DLG2: variants seen among roughly 807,000 people sequenced by gnomAD.
The protein encoded by DLG2 is disks large homolog 2.
In DLG2, 45 loss-of-function variants were observed where a neutral mutation model predicts 132.5. That is an observed-to-expected ratio of 0.34 (90% CI 0.27 to 0.44). The LOEUF (loss-of-function observed/expected upper bound fraction) is 0.44. Ranked by LOEUF, DLG2 falls within the 20% of genes least tolerant of loss-of-function variation. The pLI is 1.00. For synonymous variants in DLG2, 424 were observed against 419.6 expected (o/e 1.01, Z -0.13); for missense variants, 1,045 against 1,196.9 (o/e 0.87, Z 1.87).
At chr11:85,319,863 A>C (rs963305389) in intron 3 of DLG2, among the ~76,000 whole-genome samples, 4 of 151,888 alleles carry the variant, frequency 2.6e-5, no homozygotes, top group Non-Finnish European at 5.9e-5. Context: ...CTACACCATA[A>C]ATTTTATTTC....
intron 8 of DLG2, among the ~76,000 whole-genome samples, chr11:84,180,345 G>A (rs35045635): frequency 0.064 from 9,701 of 152,014 alleles, 376 homozygotes; most frequent in African/African-American, 0.097. Context: ...ACAAGACACA[G>A]AACAAAATAA....
chr11:83,661,851 A>T (rs1242109024), intron 18 of DLG2, among the ~76,000 whole-genome samples: 1 of 152,224 alleles, frequency 6.6e-6, no homozygotes, highest in South Asian at 2.1e-4. Context: ...TATGAAGGTG[A>T]CTGACAAAGC....
At chr11:84,647,847 GA>G (rs1333104294) in intron 6 of DLG2, among the ~76,000 whole-genome samples, 1 of 152,130 alleles carries the variant, frequency 6.6e-6, no homozygotes, top group African/African-American at 2.4e-5. Flanking sequence ...TCCATATGCA[GA>G]AAATACTACA....
At chr11:83,669,931 T>C (rs1450576999) in intron 18 of DLG2, among the ~76,000 whole-genome samples, 1 of 152,216 alleles carries the variant, frequency 6.6e-6, no homozygotes, top group African/African-American at 2.4e-5. Flanking sequence ...AAAGATAGTT[T>C]AAAACCAAAT....
intron 6 of DLG2, chr11:85,020,875 C>T: frequency 1.3e-6 from 1 of 764,486 alleles, no homozygotes; most frequent in Admixed American, 1.7e-5. Context: ...AGTAGGTCCC[C>T]CTCCTCAGCA....
chr11:85,212,824 T>C (rs1220831866), intron 4 of DLG2, among the ~76,000 whole-genome samples: 2 of 152,136 alleles, frequency 1.3e-5, no homozygotes, highest in African/African-American at 4.8e-5. Flanking sequence ...GGGAGGTAAG[T>C]TGAACATCTG....
At chr11:84,884,188 T>C (rs971303418) in intron 6 of DLG2, among the ~76,000 whole-genome samples, 3 of 152,132 alleles carry the variant, frequency 2.0e-5, no homozygotes, top group African/African-American at 7.2e-5. Flanking sequence ...AGACAATTTT[T>C]AGAGAAAATA....
At position 85,608,360 on chromosome 11, in the gene DLG2, C is replaced by G. The variant is rs142792764; in HGVS notation, c.-92-9572G>C. Among the ~76,000 whole-genome samples, 1,106 of 152,208 alleles carry G rather than the reference C, an allele frequency of 7.3e-3. 43 individuals are homozygous for G. The highest frequency in any genetic ancestry group is 0.063 in the Admixed American group (959 of 15,286). On this transcript the variant is annotated intron_variant, in intron 2 of 27. Coordinates refer to ENST00000376104, the MANE Select transcript of DLG2 (RefSeq NM_001142699.3). ...TGGCCCCATTATTCTCTCTCTCTCT[C>G]TGATGGGGAAAAATGGCCACCTGAG... is the stretch of plus-strand genomic sequence containing the variant.
At chr11:84,721,456 T>C (rs569522607) in intron 6 of DLG2, among the ~76,000 whole-genome samples, 1 of 152,144 alleles carries the variant, frequency 6.6e-6, no homozygotes. Context: ...TTTATGTTGT[T>C]CCAGAAGTAT....
At chr11:84,919,387 A>G (rs984656651) in intron 6 of DLG2, among the ~76,000 whole-genome samples, 1 of 152,224 alleles carries the variant, frequency 6.6e-6, no homozygotes, top group Non-Finnish European at 1.5e-5. Context: ...TCCATGCTTT[A>G]AAACCATTCT....
intron 3 of DLG2, among the ~76,000 whole-genome samples, chr11:85,383,583 GT>G (rs1206805607): frequency 5.3e-5 from 8 of 152,112 alleles, no homozygotes; most frequent in Admixed American, 2.6e-4. Context: ...TTTAAACGGA[GT>G]TTTGCAAATA....
At chr11:84,175,259 A>T (rs2095928756) in intron 8 of DLG2, among the ~76,000 whole-genome samples, 1 of 152,056 alleles carries the variant, frequency 6.6e-6, no homozygotes, top group Admixed American at 6.6e-5. Context: ...TCACATTGTG[A>T]TTTCTCTTCC....
Position 85,609,269 on chromosome 11 carries a change from C to G in DLG2, c.-92-10481G>C, listed in dbSNP as rs544807475. On this transcript the variant is annotated intron_variant, in intron 2 of 27. Coordinates refer to ENST00000376104, the MANE Select transcript of DLG2 (RefSeq NM_001142699.3). ...TTGATTCTAAAAGATACATTTATTA[C>G]CCAATCAGCTGCAGATATCAGGAGA... is the stretch of plus-strand genomic sequence containing the variant. Among the ~76,000 whole-genome samples, 13 of 152,298 alleles carry G rather than the reference C, an allele frequency of 8.5e-5. 1 individual carries two copies. In the South Asian group the frequency reaches 2.7e-3, roughly 32 times the overall value.
At chr11:84,166,778 C>G (rs778739738) in intron 8 of DLG2, 14 of 370,312 alleles carry the variant, frequency 3.8e-5, no homozygotes, top group Non-Finnish European at 7.2e-5. Flanking sequence ...TAAATGGCTC[C>G]CATCATCTTT....
chr11:85,272,318 A>G (rs2077586334), intron 4 of DLG2, among the ~76,000 whole-genome samples: 1 of 152,162 alleles, frequency 6.6e-6, no homozygotes, highest in Non-Finnish European at 1.5e-5. Context: ...TAAGTTGCCC[A>G]GTCTCAGATA....
At position 85,318,556 on chromosome 11, in the gene DLG2, T is replaced by C. The variant is rs138420283; in HGVS notation, c.41-33191A>G. ...ATCATCTTTGAGCTGATAAAATGCT[T>C]CCCAAAAGGCTTTGTAAATTCCACT... On this transcript the variant is annotated intron_variant, in intron 3 of 27. Transcript: ENST00000376104. 2.2e-3 allele frequency among the ~76,000 whole-genome samples: 331 copies of C among 151,928 alleles called. 1 individual carries two copies. The highest frequency in any genetic ancestry group is 7.7e-3 in the African/African-American group (321 of 41,506).
intron 6 of DLG2, among the ~76,000 whole-genome samples, chr11:85,029,427 C>A (rs1002567732): frequency 6.6e-6 from 1 of 152,198 alleles, no homozygotes; most frequent in African/African-American, 2.4e-5. Context: ...AGTGTTCCAA[C>A]CCCTAAGGTG....
At chr11:84,236,582 C>A (rs972587356) in intron 8 of DLG2, among the ~76,000 whole-genome samples, 1 of 152,216 alleles carries the variant, frequency 6.6e-6, no homozygotes, top group Non-Finnish European at 1.5e-5. Context: ...AGCAGAACAA[C>A]CCTTGGAGGG....
chr11:84,238,342 CTA>C (rs775709331), intron 8 of DLG2, among the ~76,000 whole-genome samples: 18 of 151,990 alleles, frequency 1.2e-4, no homozygotes, highest in East Asian at 1.9e-4. Context: ...TGGCAAAACT[CTA>C]TGTCTATGAA....
Sources: allele counts gnomAD v4.1 joint callset (sites outside exome capture counted in the v4.1 genomes callset), GRCh38; gene constraint gnomAD v4.1.1; transcripts MANE v1.5; gene names NCBI Gene and HGNC (gene_info 2026-07-23, HGNC 2026-07-21).